PLLP: variants seen among roughly 807,000 people sequenced by gnomAD.
PLLP encodes the protein plasmolipin, also known as plasma membrane proteolipid (plasmolipin).
Under a neutral mutation model 19.7 loss-of-function variants are expected in PLLP, and 15 were observed. The observed-to-expected ratio is 0.76, with a 90% CI of 0.51 to 1.17. The LOEUF (loss-of-function observed/expected upper bound fraction) is 1.17. Ranked by LOEUF, PLLP falls within the 50% of genes most tolerant of loss-of-function variation. PLLP has a pLI of 0.00. For missense variants in PLLP, 255 were observed against 258.3 expected (o/e 0.99, Z 0.09); for synonymous variants, 111 against 116.3 (o/e 0.95, Z 0.29).
At chr16:57,284,242 G>T (rs1464679545) in intron 1 of PLLP, among the ~76,000 whole-genome samples, 164 bp downstream of exon 1, 1 of 152,196 alleles carries the variant, frequency 6.6e-6, no homozygotes, top group East Asian at 1.9e-4. Flanking sequence ...GGGGGCGTCC[G>T]TGCGGGAAGC....
At chr16:57,267,442 C>T (rs572202754) in intron 1 of PLLP, among the ~76,000 whole-genome samples, 2 of 152,200 alleles carry the variant, frequency 1.3e-5, no homozygotes, top group East Asian at 1.9e-4. Flanking sequence ...TGGTGGGTGT[C>T]TGTAGTCCCA....
chr16:57,278,974 T>A (rs1405540450), intron 1 of PLLP, among the ~76,000 whole-genome samples: 1 of 152,182 alleles, frequency 6.6e-6, no homozygotes, highest in African/African-American at 2.4e-5. Flanking sequence ...TGCCCAAGGA[T>A]GGAGCAGGCA....
At position 57,262,278 on chromosome 16, in the gene PLLP, G is replaced by A. The variant is rs11865951; in HGVS notation, c.136-208C>T. Among the ~76,000 whole-genome samples the A allele has an allele frequency of 8.2e-3, 1,248 of 152,174 alleles. 20 individuals carry two copies. The highest frequency in any genetic ancestry group is 0.027 in the African/African-American group (1,131 of 41,510). On this transcript the variant is annotated intron_variant, in intron 1 of 3. Transcript: ENST00000219207. ...CTCTACAGAAAAATTAAGGCCGGGCGCAGTGGCTCACGTCTGTAATCCCAG... is the reference window on the plus strand; with the variant it reads ...CTCTACAGAAAAATTAAGGCCGGGCACAGTGGCTCACGTCTGTAATCCCAG...
intron 1 of PLLP, among the ~76,000 whole-genome samples, chr16:57,271,341 G>A (rs931830521): frequency 1.3e-5 from 2 of 151,882 alleles, no homozygotes; most frequent in African/African-American, 4.8e-5. Flanking sequence ...TCCCCGCTTA[G>A]GGCTTTAGAA....
chr16:57,262,273 C>T (rs1281811638), intron 1 of PLLP, among the ~76,000 whole-genome samples: 5 of 152,056 alleles, frequency 3.3e-5, no homozygotes, highest in African/African-American at 7.2e-5. Flanking sequence ...AAATTAAGGC[C>T]GGGCGCAGTG....
At chr16:57,263,899 A>C (rs1179149914) in intron 1 of PLLP, among the ~76,000 whole-genome samples, 1 of 152,210 alleles carries the variant, frequency 6.6e-6, no homozygotes, top group East Asian at 1.9e-4. Context: ...GCCCAGGTAC[A>C]TGGCACCAAG....
At chr16:57,279,126 T>C (rs1597966097) in intron 1 of PLLP, among the ~76,000 whole-genome samples, 1 of 152,166 alleles carries the variant, frequency 6.6e-6, no homozygotes, top group Admixed American at 6.6e-5. Flanking sequence ...TTCCCACATA[T>C]AGTGCTAGGC....
intron 1 of PLLP, 60 bp downstream of exon 1, chr16:57,284,346 A>G (rs1901255518): frequency 1.6e-6 from 2 of 1,279,850 alleles, no homozygotes; most frequent in Non-Finnish European, 1.0e-6. Context: ...GGAGTCCCTC[A>G]CCCATCCTGG....
chr16:57,280,590 C>A (rs1253205949), intron 1 of PLLP, among the ~76,000 whole-genome samples: 1 of 151,936 alleles, frequency 6.6e-6, no homozygotes, highest in African/African-American at 2.4e-5. Context: ...AAAACAAAGA[C>A]CTGCCTCCTT....
At chr16:57,270,687 G>A (rs1167733095) in intron 1 of PLLP, among the ~76,000 whole-genome samples, 3 of 152,068 alleles carry the variant, frequency 2.0e-5, no homozygotes, top group Non-Finnish European at 4.4e-5. Flanking sequence ...AGCTGGCCAC[G>A]ACACAGCCAC....
chr16:57,261,168 CTAATTGTTG>C (rs1323894369), intron 2 of PLLP, among the ~76,000 whole-genome samples: 21 of 138,108 alleles, frequency 1.5e-4, no homozygotes, highest in African/African-American at 5.1e-4. Flanking sequence ...TTGTATTTTG[CTAATTGTTG>C]TATTTTTTGT....
At chr16:57,270,765 G>T (rs1028681399) in intron 1 of PLLP, among the ~76,000 whole-genome samples, 1 of 152,108 alleles carries the variant, frequency 6.6e-6, no homozygotes. Context: ...TCCAGCATTC[G>T]AGGATCCTGG....
At chr16:57,268,519 C>A (rs1444109531) in intron 1 of PLLP, among the ~76,000 whole-genome samples, 2 of 152,162 alleles carry the variant, frequency 1.3e-5, no homozygotes, top group African/African-American at 4.8e-5. Flanking sequence ...GAGACAGGGT[C>A]TCACTTTGTC....
In PLLP at chr16:57,284,550, G is replaced by C. The variant is rs920323328; in HGVS notation, c.-10C>G. 3 of 1,344,862 alleles carry C rather than the reference G, an allele frequency of 2.2e-6. No homozygotes were observed. The highest frequency in any genetic ancestry group is 2.9e-6 in the Non-Finnish European group (3 of 1,040,316). The allele number at this position is 1,344,862 out of a possible 1,614,324, so 83.3% of individuals were successfully genotyped here. A position where few individuals can be genotyped will look rare whatever the true frequency, so the allele number is the denominator to read the frequency against. ...ACGGGAACTCGGCCATGGCGGCTCC[G>C]CTTGCCTCCCGAGGTCGCTACGGCC... is the stretch of plus-strand genomic sequence containing the variant. On this transcript the variant is annotated 5_prime_UTR_variant, in exon 1 of 4. Transcript: ENST00000219207.
intron 1 of PLLP, among the ~76,000 whole-genome samples, chr16:57,283,004 G>A (rs191995547): frequency 2.0e-5 from 3 of 152,092 alleles, no homozygotes; most frequent in Non-Finnish European, 2.9e-5. Context: ...GCATTCTAGC[G>A]GTGGCGGGGT....
chr16:57,268,832 GT>G (rs1305356235), intron 1 of PLLP, among the ~76,000 whole-genome samples: 1 of 152,186 alleles, frequency 6.6e-6, no homozygotes, highest in South Asian at 2.1e-4. Flanking sequence ...ACCCTGAGGG[GT>G]TAAGAACATG....
intron 2 of PLLP, among the ~76,000 whole-genome samples, chr16:57,260,292 G>GAGC (rs1404276087): frequency 5.3e-5 from 8 of 152,200 alleles, no homozygotes; most frequent in African/African-American, 1.9e-4. Flanking sequence ...TGGCAGAAGG[G>GAGC]AGCCTCCTTC....
chr16:57,284,063 T>C (rs1301121598), intron 1 of PLLP, among the ~76,000 whole-genome samples: 1 of 152,030 alleles, frequency 6.6e-6, no homozygotes, highest in Non-Finnish European at 1.5e-5. Context: ...TGGCGGGTTG[T>C]GCGCAGTGAC....
At chr16:57,262,276 G>A (rs1271841859) in intron 1 of PLLP, among the ~76,000 whole-genome samples, 2 of 152,140 alleles carry the variant, frequency 1.3e-5, no homozygotes, top group African/African-American at 4.8e-5. Context: ...TTAAGGCCGG[G>A]CGCAGTGGCT....
Sources: gnomAD v4.1 joint callset for allele counts (sites outside exome capture counted in the v4.1 genomes callset) on GRCh38, gnomAD v4.1.1 for gene constraint, MANE v1.5 for transcripts, NCBI Gene and HGNC (gene_info 2026-07-23, HGNC 2026-07-21) for gene names.